Variants in FSTL3 observed in about 807,000 individuals in gnomAD.
FSTL3 encodes follistatin-related protein 3.
FSTL3 carries 21 observed loss-of-function variants against 28.1 expected under a neutral mutation model. That is an observed-to-expected ratio of 0.75 (90% CI 0.53 to 1.08). FSTL3 has a LOEUF of 1.08. FSTL3 is among the 50% of genes least tolerant of loss of function. FSTL3 has a pLI of 0.00. For missense variants in FSTL3, 400 were observed against 380.9 expected (o/e 1.05, Z -0.42); for synonymous variants, 199 against 164.2 (o/e 1.21, Z -1.62).
chr19:677,174 G>A (rs1383940152), intron 1 of FSTL3, among the ~76,000 whole-genome samples: 2 of 152,180 alleles, frequency 1.3e-5, no homozygotes, highest in Admixed American at 1.3e-4. Flanking sequence ...GACGGGGGAA[G>A]AAATGGGGGG....
intron 2 of FSTL3, among the ~76,000 whole-genome samples, chr19:679,837 C>A (rs886792611): frequency 2.0e-5 from 3 of 152,190 alleles, no homozygotes; most frequent in Non-Finnish European, 1.5e-5. Context: ...GTCCTGGCAG[C>A]CCCAGACTCG....
In FSTL3 at chr19:676,512, G is replaced by C. The variant is rs1253076953; in HGVS notation, c.89G>C (p.Gly30Ala). 1 of 1,161,520 alleles carries C rather than the reference G, an allele frequency of 8.6e-7. No individual in the cohort carries two copies. Among genetic ancestry groups the C allele is most frequent in the Non-Finnish European group, 1.1e-6 (1 of 938,692 alleles). The allele number at this position is 1,161,520 out of a possible 1,614,324, so 72.0% of individuals were successfully genotyped here. A position where few individuals can be genotyped will look rare whatever the true frequency, so the allele number is the denominator to read the frequency against. The change falls in exon 1 of 5, where the codon GGG becomes GCG. Residue 30 changes from glycine to alanine, a missense_variant. Transcript: ENST00000166139. Reference sequence around the variant, plus strand: ...GGCTTCGTGAGCTCCATGGGCTCGGGGAACCCCGCGCCCGGTGAGTGGGGC... The same window carrying C: ...GGCTTCGTGAGCTCCATGGGCTCGGCGAACCCCGCGCCCGGTGAGTGGGGC... ...AVGFVSSMGSGNPAPGGVCWL... is the reference protein window; with the variant it reads ...AVGFVSSMGSANPAPGGVCWL...
intron 2 of FSTL3, among the ~76,000 whole-genome samples, chr19:678,499 GTTTTTTTTTT>G (rs746126061): frequency 1.5e-3 from 137 of 91,232 alleles, no homozygotes; most frequent in Middle Eastern, 9.8e-3. Flanking sequence ...GAGGATGATG[GTTTTTTTTTT>G]TTTTTTTTTT....
chr19:677,048 A>G (rs893358925), intron 1 of FSTL3, among the ~76,000 whole-genome samples: 2 of 152,104 alleles, frequency 1.3e-5, no homozygotes, highest in Non-Finnish European at 2.9e-5. Context: ...TCCTGGCCTC[A>G]GTTTCCCCTC....
chr19:680,417 G>C lies in FSTL3; in HGVS notation c.433G>C (p.Glu145Gln). ...CGSDGATYRD[E>Q]CELRAARCRG... ...CTCAGACGGCGCCACCTACCGCGACGAGTGCGAGCTGCGCGCCGCGCGCTG... is the reference window on the plus strand; with the variant it reads ...CTCAGACGGCGCCACCTACCGCGACCAGTGCGAGCTGCGCGCCGCGCGCTG... The change falls in exon 3 of 5, where the codon GAG becomes CAG. Residue 145 changes from glutamate (E) to glutamine (Q), a missense_variant. By Grantham distance (29) the Glu-to-Gln change is conservative (BLOSUM62 2). Coordinates refer to ENST00000166139, the MANE Select transcript of FSTL3 (RefSeq NM_005860.3). 7.9e-7 allele frequency: 1 copy of C among 1,271,122 alleles called. No homozygotes were observed. The highest frequency in any genetic ancestry group is 9.9e-7 in the Non-Finnish European group (1 of 1,010,862). 78.7% of individuals were successfully genotyped at this position (1,271,122 alleles called of 1,614,324 possible). A position where few individuals can be genotyped will look rare whatever the true frequency, so the allele number is the denominator to read the frequency against.
At chr19:676,559 G>GGCCGGGCA (rs746116531) in intron 1 of FSTL3, 33 bp downstream of exon 1, 42 of 626,790 alleles carry the variant, frequency 6.7e-5, no homozygotes, top group Non-Finnish European at 9.1e-5. Flanking sequence ...CGGGCGGGGC[G>GGCCGGGCA]GGCCACCCAC....
chr19:681,100 G>A (rs766564546), intron 3 of FSTL3, among the ~76,000 whole-genome samples: 9 of 150,070 alleles, frequency 6.0e-5, no homozygotes, highest in South Asian at 2.1e-4. Flanking sequence ...AGCATAAGGG[G>A]CAGGAGCTCA....
At position 681,367 on chromosome 19, in the gene FSTL3, G is replaced by A; in HGVS notation, c.540G>A (p.Gln180=). The A allele has an allele frequency of 6.3e-7, 1 of 1,587,156 alleles. No homozygotes were observed. The highest frequency in any genetic ancestry group is 8.5e-7 in the Non-Finnish European group (1 of 1,174,058). Residue 180 remains glutamine, a synonymous_variant, in exon 4 of 5, where the codon CAG becomes CAA. Transcript: ENST00000166139. ...SCEHVVCPRP[Q]SCVVDQTGSA... The stretch of plus-strand genomic sequence containing the variant: ...AGCACGTGGTGTGCCCGCGGCCACA[G>A]TCGTGCGTCGTGGACCAGACGGGCA...
chr19:676,699 CAG>C (rs2031218167), intron 1 of FSTL3, among the ~76,000 whole-genome samples, 173 bp downstream of exon 1: 1 of 152,136 alleles, frequency 6.6e-6, no homozygotes. Context: ...GTCAGCAGAG[CAG>C]AGGTTTCTAA....
Position 676,406 on chromosome 19 carries a change from G to A in FSTL3, c.-18G>A. 4 of 1,045,616 alleles carry A rather than the reference G, an allele frequency of 3.8e-6. No homozygotes were observed. Among genetic ancestry groups the A allele is most frequent in the South Asian group, 3.8e-5 (1 of 26,270 alleles). 64.8% of individuals were successfully genotyped at this position (1,045,616 alleles called of 1,614,324 possible). ...CGCGCGCTGGGAAGTCGGTGCCGCT[G>A]CCGTCTCTGCGTTCGCCATGCGTCC... is the stretch of plus-strand genomic sequence containing the variant. On this transcript the variant is annotated 5_prime_UTR_variant, in exon 1 of 5. Coordinates refer to ENST00000166139, the MANE Select transcript of FSTL3 (RefSeq NM_005860.3).
At position 680,462 on chromosome 19, in the gene FSTL3, A is replaced by G. The variant is rs1302714921; in HGVS notation, c.478A>G (p.Ser160Gly). The G allele has an allele frequency of 3.7e-5, 47 of 1,255,658 alleles. No homozygotes were observed. Among genetic ancestry groups the G allele is most frequent in the Non-Finnish European group, 4.6e-5 (46 of 1,001,810 alleles). 77.8% of individuals were successfully genotyped at this position (1,255,658 alleles called of 1,614,324 possible). A position where few individuals can be genotyped will look rare whatever the true frequency, so the allele number is the denominator to read the frequency against. ...GCGCTGCCGCGGCCACCCGGACCTG[A>G]GCGTCATGTACCGGGGCCGCTGCCG... ...AARCRGHPDL[S>G]VMYRGRCRKS... is the part of the protein sequence containing the mutation. Residue 160 changes from serine (S) to glycine (G), a missense_variant, in exon 3 of 5, where the codon AGC becomes GGC. Ser to Gly is a moderately conservative substitution (Grantham distance 56). Transcript: ENST00000166139.
intron 1 of FSTL3, 73 bp from the exon 2 acceptor site, chr19:677,719 A>G: frequency 7.1e-6 from 10 of 1,401,490 alleles, no homozygotes; most frequent in South Asian, 1.3e-5. Context: ...CACCACCTGC[A>G]TGCATCTGTG....
chr19:676,630 CGAG>C, intron 1 of FSTL3, 104 bp downstream of exon 1: 1 of 329,314 alleles, frequency 3.0e-6, no homozygotes, highest in Non-Finnish European at 5.2e-6. Flanking sequence ...GCGGCGGGGG[CGAG>C]GGCGGTGTCC....
At chr19:680,143 C>A in intron 2 of FSTL3, 131 bp from the exon 3 acceptor site, 1 of 450,924 alleles carries the variant, frequency 2.2e-6, no homozygotes, top group Non-Finnish European at 3.5e-6. Context: ...CTCCGACTGA[C>A]CCTGACCTGG....
rs749321806 is a variant in FSTL3, at chr19:676,432, C to T, written c.9C>T (p.Pro3=). 2.5e-6 allele frequency: 3 copies of T among 1,204,070 alleles called. No homozygotes were observed. Among genetic ancestry groups the T allele is most frequent in the Admixed American group, 4.1e-5 (1 of 24,668 alleles). The allele number at this position is 1,204,070 out of a possible 1,614,324, so 74.6% of individuals were successfully genotyped here. ...CCGTCTCTGCGTTCGCCATGCGTCC[C>T]GGGGCGCCAGGGCCACTCTGGCCTC... is the stretch of plus-strand genomic sequence containing the variant. MR[P]GAPGPLWPLP... The change falls in exon 1 of 5, where the codon CCC becomes CCT. Residue 3 remains proline (P), a synonymous_variant. Transcript: ENST00000166139.
chr19:678,061 C>G (rs2031249041), intron 2 of FSTL3, 84 bp downstream of exon 2: 1 of 1,339,128 alleles, frequency 7.5e-7, no homozygotes, highest in Non-Finnish European at 1.0e-6. Flanking sequence ...GCCGAACGTC[C>G]AGGGACTGAG....
rs747419907 is a variant in FSTL3 at position 681,569 on chromosome 19, G to T, written c.733+9G>T. 5 of 1,603,090 alleles carry T rather than the reference G, an allele frequency of 3.1e-6. No homozygotes were observed. The South Asian group carries it at 5.6e-5, about 18-fold the overall frequency. On this transcript the variant is annotated intron_variant, in intron 4 of 4. Transcript: ENST00000166139. ...CGCGGGCAGCTGCGCAGGTGCAGAC[G>T]CAGGGCGGGGGCACAGGCCTGTCCT...
chr19:676,431 C>A lies in FSTL3; in HGVS notation c.8C>A (p.Pro3His). The A allele has an allele frequency of 8.3e-7, 1 of 1,204,362 alleles. No homozygotes were observed. Among genetic ancestry groups the A allele is most frequent in the Non-Finnish European group, 1.0e-6 (1 of 964,966 alleles). The allele number at this position is 1,204,362 out of a possible 1,614,324, so 74.6% of individuals were successfully genotyped here. MR[P>H]GAPGPLWPLP... ...GCCGTCTCTGCGTTCGCCATGCGTC[C>A]CGGGGCGCCAGGGCCACTCTGGCCT... The change falls in exon 1 of 5, where the codon CCC becomes CAC. Residue 3 changes from proline (P) to histidine (H), a missense_variant. Pro to His is a moderately conservative substitution (Grantham distance 77). Coordinates refer to ENST00000166139, the MANE Select transcript of FSTL3 (RefSeq NM_005860.3).
In FSTL3 at chr19:681,756, CCT is replaced by C. The variant is rs1274157536; in HGVS notation, c.*49_*50del. ...TGGTGCCCGAGGCCCCCCATCATCC[CCT>C]GTTATTTATTGCCACAGCAGAGTCT... On this transcript the variant is annotated 3_prime_UTR_variant, in exon 5 of 5. Coordinates refer to ENST00000166139, the MANE Select transcript of FSTL3 (RefSeq NM_005860.3). The C allele has an allele frequency of 5.0e-5, 73 of 1,469,098 alleles. No individual in the cohort carries two copies. The highest frequency in any genetic ancestry group is 6.3e-5 in the Non-Finnish European group (68 of 1,074,816). 91.0% of individuals were successfully genotyped at this position (1,469,098 alleles called of 1,614,324 possible). A position where few individuals can be genotyped will look rare whatever the true frequency, so the allele number is the denominator to read the frequency against.
Sources: gnomAD v4.1 joint callset for allele counts (sites outside exome capture counted in the v4.1 genomes callset) on GRCh38, gnomAD v4.1.1 for gene constraint, MANE v1.5 for transcripts, NCBI Gene and HGNC (gene_info 2026-07-23, HGNC 2026-07-21) for gene names.